Variants in ADAR observed in about 807,000 individuals in gnomAD.
ADAR encodes adenosine deaminase RNA specific.
ADAR carries 41 observed loss-of-function variants against 113.2 expected under a neutral mutation model. The ratio of observed to expected loss-of-function variants is 0.36; its 90% CI spans 0.28 to 0.47. ADAR has a LOEUF of 0.47. Ranked by LOEUF, ADAR falls within the 20% of genes least tolerant of loss-of-function variation. The probability of loss-of-function intolerance (pLI) is 1.00; values close to 1 mark genes in which losing one functional copy is unlikely to be tolerated. For missense variants in ADAR, 1,242 were observed against 1,540.9 expected (o/e 0.81, Z 3.25); for synonymous variants, 605 against 572.6 (o/e 1.06, Z -0.81).
At chr1:154,590,060 A>G in intron 7 of ADAR, 124 bp downstream of exon 7, 1 of 1,480,114 alleles carries the variant, frequency 6.8e-7, no homozygotes, top group East Asian at 2.3e-5. Flanking sequence ...TGTCCCAGTT[A>G]CTGCTCTCTC....
chr1:154,584,383 A>C lies in ADAR; in HGVS notation c.*423T>G, dbSNP rs1034836822. 2 of 175,160 alleles carry C rather than the reference A, an allele frequency of 1.1e-5. No individual in the cohort carries two copies. Among genetic ancestry groups the C allele is most frequent in the Admixed American group, 5.5e-5 (1 of 18,220 alleles). 10.9% of individuals were successfully genotyped at this position (175,160 alleles called of 1,614,324 possible). On this transcript the variant is annotated 3_prime_UTR_variant, in exon 15 of 15. Transcript: ENST00000368474. ...AGTAGAGGGGTCTGCGTAATCCACA[A>C]ATGAAATTATCAGTCCCTGACATGA...
chr1:154,586,183 A>C lies in ADAR; in HGVS notation c.3200T>G (p.Leu1067Trp). The change falls in exon 12 of 15, where the codon TTG (leucine) becomes TGG (tryptophan). Residue 1067 changes from leucine (L) to tryptophan (W), a missense_variant and splice_region_variant. Coordinates refer to ENST00000368474, the MANE Select transcript of ADAR (RefSeq NM_001111.5). ...LQPIYLKSVT[L>W]GYLFSQGHLT... ...AGATCCCAAGGCAGGCCCCTTACCC[A>C]ATGTGACAGATTTGAGATAAATGGG... The C allele has an allele frequency of 6.2e-7, 1 of 1,614,132 alleles. No individual in the cohort carries two copies. The highest frequency in any genetic ancestry group is 8.5e-7 in the Non-Finnish European group (1 of 1,180,040).
chr1:154,602,896 G>A (rs1014569979), intron 1 of ADAR, among the ~76,000 whole-genome samples: 1 of 152,232 alleles, frequency 6.6e-6, no homozygotes, highest in African/African-American at 2.4e-5. Flanking sequence ...AGCCTCTCCA[G>A]CAACCTAACT....
At chr1:154,616,728 T>C (rs1227237717) in intron 1 of ADAR, among the ~76,000 whole-genome samples, 1 of 152,260 alleles carries the variant, frequency 6.6e-6, no homozygotes, top group Non-Finnish European at 1.5e-5. Flanking sequence ...CTCAAAAATA[T>C]TTACTGAAAA....
intron 1 of ADAR, among the ~76,000 whole-genome samples, chr1:154,624,272 T>C (rs7537208): frequency 0.23 from 34,336 of 152,090 alleles, 3,934 homozygotes; most frequent in Non-Finnish European, 0.24. Context: ...AAGAGCTTCA[T>C]TCTGTGTGCA....
At chr1:154,586,431 A>G in intron 11 of ADAR, 68 bp from the exon 12 acceptor site, 2 of 1,506,548 alleles carry the variant, frequency 1.3e-6, no homozygotes, top group Non-Finnish European at 1.8e-6. Flanking sequence ...CGTGGTTTCT[A>G]TCCTCCTTAA....
intron 1 of ADAR, among the ~76,000 whole-genome samples, chr1:154,606,818 G>C (rs182667021): frequency 1.5e-3 from 222 of 152,140 alleles, no homozygotes; most frequent in Admixed American, 2.7e-3. Context: ...AGGATCAAGA[G>C]ATAAGCACTA....
chr1:154,619,294 G>C (rs937498840), intron 1 of ADAR, among the ~76,000 whole-genome samples: 9 of 152,158 alleles, frequency 5.9e-5, no homozygotes, highest in African/African-American at 2.2e-4. Context: ...AGTGATACAT[G>C]TGATACATTT....
In ADAR at chr1:154,585,274, C is replaced by T; in HGVS notation, c.3386G>A (p.Cys1129Tyr). Reference protein sequence around the residue: ...GKTKETSVNWCLADGYDLEIL... With the variant: ...GKTKETSVNWYLADGYDLEIL... ...CTCCAGGTCATAGCCATCAGCCAGA[C>T]ACCAGTTGACGCTTGTCTCCTTAGT... Residue 1129 changes from cysteine to tyrosine, a missense_variant, in exon 14 of 15, where the codon TGT (cysteine) becomes TAT (tyrosine). Around this residue, in one of 2 missense-constraint regions of ADAR, gnomAD observed 780 missense variants for 1,057.9 expected, o/e 0.74. Transcript: ENST00000368474. The T allele has an allele frequency of 1.2e-6, 2 of 1,614,212 alleles. No homozygotes were observed. Among genetic ancestry groups the T allele is most frequent in the Non-Finnish European group, 1.7e-6 (2 of 1,180,044 alleles).
rs1571087799 is a variant in ADAR at position 154,596,704 on chromosome 1, C to A, written c.2270+101G>T. ...GGCTGGACTTGTTTCCCTCAACTCG[C>A]CCCTTCTGTCCTACACAGCTAAAGC... On this transcript the variant is annotated intron_variant, in intron 6 of 14. Transcript: ENST00000368474. 6.5e-6 allele frequency: 9 copies of A among 1,387,942 alleles called. No homozygotes were observed. In the South Asian group the frequency reaches 1.1e-4, roughly 17 times the overall value. The allele number at this position is 1,387,942 out of a possible 1,614,324, so 86.0% of individuals were successfully genotyped here.
intron 1 of ADAR, among the ~76,000 whole-genome samples, chr1:154,619,586 T>C (rs1315337333): frequency 2.0e-5 from 3 of 152,196 alleles, no homozygotes; most frequent in Admixed American, 1.3e-4. Context: ...TAATAAAGCA[T>C]GTATCACCCT....
exon 1 of ADAR, chr1:154,627,867 T>G (rs773648935): frequency 1.2e-5 from 6 of 518,028 alleles, no homozygotes; most frequent in Non-Finnish European, 7.7e-6. Context: ...GGTCTTGCAC[T>G]TCCTCGGGAC....
At chr1:154,585,158 T>C (rs1571046071) in intron 14 of ADAR, 59 bp downstream of exon 14, 3 of 1,613,816 alleles carry the variant, frequency 1.9e-6, no homozygotes, top group East Asian at 2.2e-5. Flanking sequence ...AGAGGTATGA[T>C]GCACCCTTGC....
chr1:154,603,463 G>C (rs1326044895), intron 1 of ADAR, among the ~76,000 whole-genome samples: 1 of 152,110 alleles, frequency 6.6e-6, no homozygotes. Context: ...GATGTGTGGA[G>C]CTGGCAGCAT....
At chr1:154,602,922 C>T (rs562699473) in intron 1 of ADAR, among the ~76,000 whole-genome samples, 19 of 152,336 alleles carry the variant, frequency 1.2e-4, no homozygotes, top group African/African-American at 4.6e-4. Flanking sequence ...TTCCCTTTGA[C>T]AGAATTTAAG....
chr1:154,622,539 C>A (rs1053900209), intron 1 of ADAR, among the ~76,000 whole-genome samples: 2 of 152,050 alleles, frequency 1.3e-5, no homozygotes, highest in African/African-American at 2.4e-5. Context: ...AGGAAAGGGC[C>A]CCAAAATATG....
chr1:154,605,481 G>A (rs572550887), intron 1 of ADAR, among the ~76,000 whole-genome samples: 9 of 151,154 alleles, frequency 6.0e-5, no homozygotes, highest in Admixed American at 5.9e-4. Flanking sequence ...TGTCTGAAAG[G>A]TAATTAACAT....
chr1:154,585,675 G>T, intron 13 of ADAR, 78 bp downstream of exon 13: 1 of 1,258,804 alleles, frequency 7.9e-7, no homozygotes, highest in Non-Finnish European at 1.2e-6. Flanking sequence ...CTTGCCCACA[G>T]TGTACATTTT....
chr1:154,588,961 A>G (rs1696945592), intron 9 of ADAR, among the ~76,000 whole-genome samples: 2 of 152,228 alleles, frequency 1.3e-5, no homozygotes, highest in Admixed American at 6.5e-5. Flanking sequence ...CTCCTTTCTA[A>G]GTCTCTCCCT....
Sources: allele counts gnomAD v4.1 joint callset (sites outside exome capture counted in the v4.1 genomes callset), GRCh38; gene constraint gnomAD v4.1.1; regional missense constraint gnomAD v4.1.1; transcripts MANE v1.5; gene names NCBI Gene and HGNC (gene_info 2026-07-23, HGNC 2026-07-21).